AUTS2: variants seen among roughly 807,000 people sequenced by gnomAD.
AUTS2 encodes activator of transcription and developmental regulator AUTS2.
Under a neutral mutation model 112.4 loss-of-function variants are expected in AUTS2, and 17 were observed. That is an observed-to-expected ratio of 0.15 (90% CI 0.10 to 0.23). The LOEUF (loss-of-function observed/expected upper bound fraction) is 0.23. Ranked by LOEUF, AUTS2 falls within the 10% of genes least tolerant of loss-of-function variation. AUTS2 has a pLI of 1.00. For missense variants in AUTS2, 1,510 were observed against 1,701.6 expected (o/e 0.89, Z 1.98); for synonymous variants, 751 against 702.7 (o/e 1.07, Z -1.09).
At position 70,013,864 on chromosome 7, in the gene AUTS2, C is replaced by A. The variant is rs527913812; in HGVS notation, c.523-104268C>A. ...TCCCAAGTAGCTGGGACTACAGGCA[C>A]GTATCACCACGCCCGGCTAATGTTT... On this transcript the variant is annotated intron_variant, in intron 2 of 18. Coordinates refer to ENST00000342771, the MANE Select transcript of AUTS2 (RefSeq NM_015570.4). Among the ~76,000 whole-genome samples, 14 of 152,186 alleles carry A rather than the reference C, an allele frequency of 9.2e-5. No individual in the cohort carries two copies. In the South Asian group the frequency reaches 2.7e-3, roughly 29 times the overall value.
At chr7:70,450,724 G>C (rs1052838928) in intron 5 of AUTS2, among the ~76,000 whole-genome samples, 1 of 152,148 alleles carries the variant, frequency 6.6e-6, no homozygotes, top group African/African-American at 2.4e-5. Context: ...ATGAAGGATG[G>C]AGTGAAAGGG....
intron 2 of AUTS2, among the ~76,000 whole-genome samples, chr7:69,914,317 A>C (rs1298754133): frequency 1.3e-5 from 2 of 149,832 alleles, no homozygotes; most frequent in Non-Finnish European, 3.0e-5. Context: ...AATTGGCTAC[A>C]AAAAAAAGCA....
intron 4 of AUTS2, among the ~76,000 whole-genome samples, chr7:70,332,600 G>A (rs1201138534): frequency 6.6e-6 from 1 of 152,154 alleles, no homozygotes; most frequent in African/African-American, 2.4e-5. Flanking sequence ...GCATGGTACT[G>A]GTACCAAAAC....
At chr7:70,784,720 G>GCAT in intron 15 of AUTS2, 1 of 534,552 alleles carries the variant, frequency 1.9e-6, no homozygotes, top group African/African-American at 2.3e-5. Flanking sequence ...AGAGAAAGAG[G>GCAT]GATGATTGAT....
chr7:69,653,736 A>G (rs1795391887), intron 1 of AUTS2, among the ~76,000 whole-genome samples: 1 of 149,882 alleles, frequency 6.7e-6, no homozygotes, highest in Non-Finnish European at 1.5e-5. Flanking sequence ...TACCTTTGTT[A>G]GGAAGCAGCT....
chr7:69,797,431 A>G (rs988700253), intron 1 of AUTS2, among the ~76,000 whole-genome samples: 1 of 152,228 alleles, frequency 6.6e-6, no homozygotes, highest in Non-Finnish European at 1.5e-5. Flanking sequence ...TGGGGCTGCA[A>G]GGAAGGCAGT....
At chr7:70,433,315 A>G (rs1456282778) in intron 4 of AUTS2, among the ~76,000 whole-genome samples, 1 of 152,182 alleles carries the variant, frequency 6.6e-6, no homozygotes, top group African/African-American at 2.4e-5. Flanking sequence ...CACAGCCTTC[A>G]GCTGTCATTG....
chr7:70,222,735 G>T (rs142889596), intron 4 of AUTS2, among the ~76,000 whole-genome samples: 83 of 152,098 alleles, frequency 5.5e-4, no homozygotes, highest in African/African-American at 1.9e-3. Flanking sequence ...CCCAAAGTGT[G>T]AAGACATCTA....
At chr7:69,758,875 T>C (rs1384987327) in intron 1 of AUTS2, among the ~76,000 whole-genome samples, 1 of 152,206 alleles carries the variant, frequency 6.6e-6, no homozygotes, top group African/African-American at 2.4e-5. Flanking sequence ...GTAGAAAATG[T>C]GCTGTGCTAG....
intron 2 of AUTS2, among the ~76,000 whole-genome samples, chr7:69,976,438 G>A (rs1798062778): frequency 6.6e-6 from 1 of 152,162 alleles, no homozygotes; most frequent in Non-Finnish European, 1.5e-5. Flanking sequence ...TGGCTATTGT[G>A]AATAGTGATG....
chr7:69,641,063 G>A lies in AUTS2; in HGVS notation c.309+41101G>A, dbSNP rs563544126. ...ATGGTAGCATTTTAACTTGTGTCAA[G>A]GGCTGCCCTGTCAGGTACTGCAGGG... On this transcript the variant is annotated intron_variant, in intron 1 of 18. Coordinates refer to ENST00000342771, the MANE Select transcript of AUTS2 (RefSeq NM_015570.4). Among the ~76,000 whole-genome samples, 8 of 152,324 alleles carry A rather than the reference G, an allele frequency of 5.3e-5. No individual in the cohort carries two copies. In the East Asian group the frequency reaches 1.4e-3, roughly 26 times the overall value.
intron 2 of AUTS2, among the ~76,000 whole-genome samples, chr7:70,020,095 G>A (rs757102385): frequency 7.9e-5 from 12 of 152,316 alleles, no homozygotes; most frequent in Non-Finnish European, 1.8e-4. Flanking sequence ...AATGACTGCT[G>A]TTTGTCACAT....
intron 4 of AUTS2, among the ~76,000 whole-genome samples, chr7:70,417,435 CA>C (rs1167124225): frequency 1.3e-5 from 2 of 152,184 alleles, no homozygotes; most frequent in Admixed American, 1.3e-4. Context: ...CACAGCGAGG[CA>C]ATTTCCAGGC....
chr7:70,549,185 A>G (rs982785036), intron 5 of AUTS2, among the ~76,000 whole-genome samples: 24 of 152,320 alleles, frequency 1.6e-4, no homozygotes, highest in Admixed American at 5.2e-4. Flanking sequence ...TTGCTAGTAT[A>G]TAAAAACATT....
At chr7:70,710,636 A>G (rs540635144) in intron 6 of AUTS2, among the ~76,000 whole-genome samples, 62 of 152,338 alleles carry the variant, frequency 4.1e-4, no homozygotes, top group African/African-American at 1.5e-3. Flanking sequence ...GGTGGCACAC[A>G]CCAAAATCAT....
At chr7:70,513,139 CAT>C (rs1447014338) in intron 5 of AUTS2, among the ~76,000 whole-genome samples, 2 of 152,232 alleles carry the variant, frequency 1.3e-5, no homozygotes, top group East Asian at 1.9e-4. Context: ...CTTATTATCA[CAT>C]GTTATGTGGG....
intron 6 of AUTS2, among the ~76,000 whole-genome samples, chr7:70,725,619 G>C (rs367738574): frequency 2.0e-5 from 3 of 152,150 alleles, no homozygotes; most frequent in African/African-American, 7.2e-5. Context: ...TGGCTCTGCC[G>C]TTAGCACATT....
chr7:70,416,656 G>A (rs969002672), intron 4 of AUTS2, among the ~76,000 whole-genome samples: 7 of 152,180 alleles, frequency 4.6e-5, no homozygotes, highest in Admixed American at 2.0e-4. Flanking sequence ...AACCCACAGC[G>A]GCCCACAAAA....
intron 5 of AUTS2, among the ~76,000 whole-genome samples, chr7:70,512,557 C>T (rs1046835424): frequency 1.3e-5 from 2 of 152,010 alleles, no homozygotes; most frequent in South Asian, 2.1e-4. Context: ...AGGAAAACAT[C>T]GAAACATCCA....
Sources: allele counts gnomAD v4.1 joint callset (sites outside exome capture counted in the v4.1 genomes callset), GRCh38; gene constraint gnomAD v4.1.1; transcripts MANE v1.5; gene names NCBI Gene and HGNC (gene_info 2026-07-23, HGNC 2026-07-21).